The following BANK1 variants were observed in gnomAD, a reference collection of about 807,000 sequenced individuals.
BANK1 encodes B cell scaffold protein with ankyrin repeats 1.
In BANK1, 95 loss-of-function variants were observed where a neutral mutation model predicts 94.5. The ratio of observed to expected loss-of-function variants is 1.00; its 90% CI spans 0.85 to 1.19. BANK1 has a LOEUF of 1.19. Among genes scored for constraint, BANK1 ranks in the 50% most tolerant of loss-of-function variants. The pLI is 0.00. For synonymous variants in BANK1, 334 were observed against 308.4 expected (o/e 1.08, Z -0.87); for missense variants, 987 against 932.2 (o/e 1.06, Z -0.77).
At chr4:102,012,034 A>C (rs937181218) in intron 7 of BANK1, among the ~76,000 whole-genome samples, 1 of 152,166 alleles carries the variant, frequency 6.6e-6, no homozygotes, top group African/African-American at 2.4e-5. Context: ...ATATGTATGT[A>C]TGTCTCCTAG....
At chr4:101,974,763 C>T (rs1283011962) in intron 7 of BANK1, among the ~76,000 whole-genome samples, 1 of 149,014 alleles carries the variant, frequency 6.7e-6, no homozygotes, top group Non-Finnish European at 1.5e-5. Flanking sequence ...GCCTGGCCAA[C>T]ATGGTGAAAC....
intron 7 of BANK1, among the ~76,000 whole-genome samples, chr4:102,003,905 A>G (rs553406075): frequency 2.0e-5 from 3 of 151,640 alleles, no homozygotes; most frequent in Admixed American, 1.3e-4. Flanking sequence ...ATGTGTGTAT[A>G]TATGTATGTA....
chr4:101,944,244 A>C lies in BANK1; in HGVS notation c.1206+26055A>C, dbSNP rs76356038. ...GCATAAAACATGCAAAGTAACCAGG[A>C]AACTCACCATTTACAAGGGTTGCAA... On this transcript the variant is annotated intron_variant, in intron 7 of 16. Transcript: ENST00000322953. Among the ~76,000 whole-genome samples, 277 of 152,036 alleles carry C rather than the reference A, an allele frequency of 1.8e-3. 2 individuals are homozygous for C. Among genetic ancestry groups the C allele is most frequent in the African/African-American group, 6.5e-3 (269 of 41,502 alleles).
intron 2 of BANK1, among the ~76,000 whole-genome samples, chr4:101,848,409 C>A (rs148749629): frequency 4.3e-4 from 65 of 152,306 alleles, no homozygotes; most frequent in African/African-American, 1.4e-3. Flanking sequence ...TTAGGTCAAA[C>A]CCATATTTTA....
rs1228863980 is a variant in BANK1 at position 102,009,412 on chromosome 4, T to A, written c.1207-12102T>A. Among the ~76,000 whole-genome samples the A allele has an allele frequency of 2.0e-5, 3 of 152,222 alleles. No individual in the cohort carries two copies. The East Asian group carries it at 5.8e-4, about 29-fold the overall frequency. The stretch of plus-strand genomic sequence containing the variant: ...GCTTTGACTGCCCAGATGCCCTACC[T>A]CTGCCTCTACTCCTGCTTTTGAATA... On this transcript the variant is annotated intron_variant, in intron 7 of 16. Coordinates refer to ENST00000322953, the MANE Select transcript of BANK1 (RefSeq NM_017935.5).
intron 1 of BANK1, among the ~76,000 whole-genome samples, chr4:101,809,758 A>G (rs1466427888): frequency 1.3e-5 from 2 of 152,190 alleles, no homozygotes; most frequent in Non-Finnish European, 2.9e-5. Context: ...AGTGAAGCAG[A>G]AAGTATACTG....
chr4:101,877,847 T>G (rs887033601), intron 5 of BANK1, among the ~76,000 whole-genome samples: 2 of 152,172 alleles, frequency 1.3e-5, no homozygotes, highest in African/African-American at 4.8e-5. Context: ...ATTGCGCCAC[T>G]GCACTCCAGC....
chr4:101,929,788 G>A (rs1578404262), intron 7 of BANK1, among the ~76,000 whole-genome samples: 1 of 151,172 alleles, frequency 6.6e-6, no homozygotes, highest in Non-Finnish European at 1.5e-5. Context: ...GTTTGTTGGG[G>A]GGGGACTAAA....
intron 2 of BANK1, among the ~76,000 whole-genome samples, chr4:101,830,622 G>A (rs1028761868): frequency 1.3e-5 from 2 of 152,130 alleles, no homozygotes; most frequent in African/African-American, 4.8e-5. Flanking sequence ...CAATTACAGA[G>A]CTTTTAAAAT....
intron 7 of BANK1, among the ~76,000 whole-genome samples, chr4:101,938,266 A>C (rs1723639119): frequency 6.6e-6 from 1 of 151,602 alleles, no homozygotes; most frequent in Admixed American, 6.6e-5. Flanking sequence ...GAACACATAG[A>C]GATAGGAATA....
At position 102,000,998 on chromosome 4, in the gene BANK1, G is replaced by A. The variant is rs533907150; in HGVS notation, c.1207-20516G>A. Among the ~76,000 whole-genome samples, 20 of 152,230 alleles carry A rather than the reference G, an allele frequency of 1.3e-4. No homozygotes were observed. In the South Asian group the frequency reaches 2.9e-3, roughly 22 times the overall value. ...AACTAAGCTCTAAATGATCTGAGCC[G>A]TCACAGCGAATGGCTACAGTGAGTG... On this transcript the variant is annotated intron_variant, in intron 7 of 16. Transcript: ENST00000322953.
At chr4:101,884,364 G>C (rs1010895865) in intron 5 of BANK1, among the ~76,000 whole-genome samples, 1 of 151,072 alleles carries the variant, frequency 6.6e-6, no homozygotes, top group East Asian at 1.9e-4. Flanking sequence ...ATTTTTTTTT[G>C]TTTTCTTTGC....
intron 13 of BANK1, among the ~76,000 whole-genome samples, chr4:102,070,881 A>T (rs1578492894): frequency 6.6e-6 from 1 of 152,220 alleles, no homozygotes; most frequent in Non-Finnish European, 1.5e-5. Context: ...GGCCATATGT[A>T]TTTCTCAAAA....
chr4:101,880,558 A>C (rs1728639895), intron 5 of BANK1, among the ~76,000 whole-genome samples: 1 of 152,104 alleles, frequency 6.6e-6, no homozygotes, highest in Non-Finnish European at 1.5e-5. Context: ...CATTCTTTAC[A>C]GAAATAGAAA....
intron 7 of BANK1, among the ~76,000 whole-genome samples, chr4:101,919,925 G>A (rs1186027682): frequency 6.6e-6 from 1 of 151,896 alleles, no homozygotes; most frequent in Non-Finnish European, 1.5e-5. Context: ...TGAAACATAT[G>A]TATTATATTT....
intron 6 of BANK1, among the ~76,000 whole-genome samples, chr4:101,898,799 T>A (rs1308506369): frequency 1.3e-5 from 2 of 152,068 alleles, no homozygotes; most frequent in Non-Finnish European, 2.9e-5. Flanking sequence ...TCTTGGTCAT[T>A]TTTTATTCCT....
chr4:101,999,101 C>T (rs1463030485), intron 7 of BANK1, among the ~76,000 whole-genome samples: 1 of 152,004 alleles, frequency 6.6e-6, no homozygotes, highest in Non-Finnish European at 1.5e-5. Flanking sequence ...TGACATTTTC[C>T]CCATTGTCTT....
At chr4:101,914,197 T>A (rs193251702) in intron 6 of BANK1, among the ~76,000 whole-genome samples, 1 of 152,242 alleles carries the variant, frequency 6.6e-6, no homozygotes, top group Admixed American at 6.5e-5. Flanking sequence ...GTTGTGGAAG[T>A]GGATTCTAAC....
In BANK1 at chr4:101,830,163, A is replaced by G; in HGVS notation, c.426A>G (p.Glu142=). 1 of 1,594,762 alleles carries G rather than the reference A, an allele frequency of 6.3e-7. No homozygotes were observed. Among genetic ancestry groups the G allele is most frequent in the Non-Finnish European group, 8.5e-7 (1 of 1,173,434 alleles). Reference sequence around the variant, plus strand: ...GATGGGAGATCTCAACTGAACAGGAACCTGAAGACTACATCTCTGTAATCC... The same window carrying G: ...GATGGGAGATCTCAACTGAACAGGAGCCTGAAGACTACATCTCTGTAATCC... ...QSRWEISTEQ[E]PEDYISVIQS... is the part of the protein sequence containing the mutation. The change falls in exon 2 of 17, where the codon GAA becomes GAG. Residue 142 remains glutamate, a synonymous_variant. Transcript: ENST00000322953.
Sources: allele counts gnomAD v4.1 joint callset (sites outside exome capture counted in the v4.1 genomes callset), GRCh38; gene constraint gnomAD v4.1.1; transcripts MANE v1.5; gene names NCBI Gene and HGNC (gene_info 2026-07-23, HGNC 2026-07-21).